DCC: variants seen among roughly 807,000 people sequenced by gnomAD.
The protein encoded by DCC is DCC netrin 1 receptor.
DCC carries 58 observed loss-of-function variants against 172.5 expected under a neutral mutation model. That is an observed-to-expected ratio of 0.34 (90% CI 0.27 to 0.42). The LOEUF is 0.42. DCC is among the 10% of genes least tolerant of loss of function. The pLI, the probability that DCC is intolerant of heterozygous loss-of-function variation, is 1.00. For synonymous variants in DCC, 709 were observed against 644.5 expected (o/e 1.10, Z -1.52); for missense variants, 1,740 against 1,791.0 (o/e 0.97, Z 0.51).
At chr18:52,662,044 T>C (rs1158172079) in intron 1 of DCC, among the ~76,000 whole-genome samples, 2 of 152,138 alleles carry the variant, frequency 1.3e-5, no homozygotes, top group African/African-American at 2.4e-5. Flanking sequence ...AAATATAGAA[T>C]GTAGGAGAAA....
intron 5 of DCC, among the ~76,000 whole-genome samples, chr18:52,958,161 C>A (rs1256968768): frequency 6.6e-6 from 1 of 151,916 alleles, no homozygotes; most frequent in African/African-American, 2.4e-5. Flanking sequence ...TCATATTGTT[C>A]TTTCTTTTTA....
intron 1 of DCC, among the ~76,000 whole-genome samples, chr18:52,697,926 G>A (rs76026563): frequency 0.054 from 8,172 of 152,120 alleles, 347 homozygotes; most frequent in African/African-American, 0.11. Context: ...GGTATCATCT[G>A]CTCTTGGTTT....
intron 3 of DCC, among the ~76,000 whole-genome samples, chr18:52,921,972 T>C (rs1383062524): frequency 6.6e-6 from 1 of 151,966 alleles, no homozygotes; most frequent in Non-Finnish European, 1.5e-5. Context: ...TATTTGTAAA[T>C]ATATATTTTG....
chr18:53,469,486 C>A (rs2045668657), intron 25 of DCC, among the ~76,000 whole-genome samples: 1 of 152,168 alleles, frequency 6.6e-6, no homozygotes, highest in South Asian at 2.1e-4. Flanking sequence ...CTATTCTTAG[C>A]TAATAATCTT....
intron 5 of DCC, among the ~76,000 whole-genome samples, chr18:52,929,905 T>G (rs2145500118): frequency 6.6e-6 from 1 of 151,984 alleles, no homozygotes; most frequent in South Asian, 2.1e-4. Flanking sequence ...TATGCTATAT[T>G]GTATCCTCAT....
At chr18:52,718,692 C>G (rs188306682) in intron 1 of DCC, among the ~76,000 whole-genome samples, 9 of 152,212 alleles carry the variant, frequency 5.9e-5, no homozygotes, top group Non-Finnish European at 1.0e-4. Flanking sequence ...ATCGCAGAGA[C>G]GTTGAACAAA....
intron 12 of DCC, among the ~76,000 whole-genome samples, chr18:53,269,880 C>T (rs2056728722): frequency 6.6e-6 from 1 of 152,054 alleles, no homozygotes; most frequent in Non-Finnish European, 1.5e-5. Context: ...AGGTGAGCCC[C>T]CTAGAGTTTG....
intron 1 of DCC, among the ~76,000 whole-genome samples, chr18:52,343,092 A>G (rs1983727778): frequency 6.6e-6 from 1 of 152,236 alleles, no homozygotes; most frequent in Non-Finnish European, 1.5e-5. Flanking sequence ...TGTTATTTGC[A>G]AGTGAGTCGT....
intron 2 of DCC, 32 bp from the exon 3 acceptor site, chr18:52,906,012 G>A: frequency 7.0e-7 from 1 of 1,433,350 alleles, no homozygotes; most frequent in Non-Finnish European, 9.8e-7. Context: ...TTATTTGGAA[G>A]ACTTATTCTT....
intron 2 of DCC, chr18:52,809,251 C>G (rs1230717929): frequency 6.6e-6 from 1 of 152,430 alleles, no homozygotes; most frequent in Non-Finnish European, 1.5e-5. Flanking sequence ...CCCTAAAGTA[C>G]AATTAAACAA....
intron 5 of DCC, among the ~76,000 whole-genome samples, chr18:52,982,331 C>A (rs749361507): frequency 3.9e-5 from 6 of 152,210 alleles, no homozygotes; most frequent in Non-Finnish European, 7.4e-5. Context: ...GTAATGAGGG[C>A]AATGCAGCAG....
Position 52,940,320 on chromosome 18 carries a change from G to A in DCC, c.985+14950G>A, listed in dbSNP as rs534913109. ...AAGAACAGTCGAGGCAGAGACCAGA[G>A]TAAGAAGTCAGAGTAGGGGTAGATA... On this transcript the variant is annotated intron_variant, in intron 5 of 28. Coordinates refer to ENST00000442544, the MANE Select transcript of DCC (RefSeq NM_005215.4). 5.8e-4 allele frequency among the ~76,000 whole-genome samples: 89 copies of A among 152,278 alleles called. No homozygotes were observed. The South Asian group carries it at 0.018, about 30-fold the overall frequency.
At chr18:52,888,643 AC>A (rs1217629750) in intron 2 of DCC, among the ~76,000 whole-genome samples, 2 of 151,954 alleles carry the variant, frequency 1.3e-5, no homozygotes, top group African/African-American at 2.4e-5. Context: ...ATTGCAAAAA[AC>A]ATTTTTCTTA....
chr18:52,971,140 AAC>A (rs969258601), intron 5 of DCC, among the ~76,000 whole-genome samples: 5 of 152,158 alleles, frequency 3.3e-5, no homozygotes, highest in South Asian at 2.1e-4. Context: ...GCAGAAAAAA[AAC>A]ACAGCTTTTT....
chr18:52,465,223 T>C (rs1988750854), intron 1 of DCC, among the ~76,000 whole-genome samples: 1 of 152,102 alleles, frequency 6.6e-6, no homozygotes, highest in Non-Finnish European at 1.5e-5. Flanking sequence ...GTACTAGAAA[T>C]TGCTAAATAT....
chr18:53,321,808 A>G (rs2057414438), intron 13 of DCC, among the ~76,000 whole-genome samples: 1 of 152,188 alleles, frequency 6.6e-6, no homozygotes, highest in African/African-American at 2.4e-5. Context: ...CCCTGAGGCT[A>G]TTTACATGGA....
At chr18:52,605,761 G>A (rs994387620) in intron 1 of DCC, among the ~76,000 whole-genome samples, 5 of 152,028 alleles carry the variant, frequency 3.3e-5, no homozygotes, top group Admixed American at 6.6e-5. Context: ...ATATCAGAGA[G>A]TGGATATTAC....
rs187747798 is a variant in DCC, at chr18:52,561,109, T to A, written c.92-190945T>A. On this transcript the variant is annotated intron_variant, in intron 1 of 28. Transcript: ENST00000442544. ...AGCCATCTTTATTCAAGATTTTTTTTAATTTCTTTATTGCCCATAAAAGTG... is the reference window on the plus strand; with the variant it reads ...AGCCATCTTTATTCAAGATTTTTTTAAATTTCTTTATTGCCCATAAAAGTG... Among the ~76,000 whole-genome samples the A allele has an allele frequency of 3.5e-3, 534 of 152,212 alleles. 9 individuals are homozygous for A. The highest frequency in any genetic ancestry group is 0.011 in the African/African-American group (463 of 41,574).
chr18:52,405,673 G>T (rs1422107386), intron 1 of DCC, among the ~76,000 whole-genome samples: 2 of 151,314 alleles, frequency 1.3e-5, no homozygotes, highest in African/African-American at 2.4e-5. Context: ...AATAAAAGAG[G>T]ATACAAACAA....
Sources: allele counts gnomAD v4.1 joint callset (sites outside exome capture counted in the v4.1 genomes callset), GRCh38; gene constraint gnomAD v4.1.1; transcripts MANE v1.5; gene names NCBI Gene and HGNC (gene_info 2026-07-23, HGNC 2026-07-21).